The following WDR17 variants were observed in gnomAD, a reference collection of about 807,000 sequenced individuals.
WDR17 encodes WD repeat-containing protein 17.
Under a neutral mutation model 161.7 loss-of-function variants are expected in WDR17, and 143 were observed. The observed-to-expected ratio is 0.88, with a 90% confidence interval of 0.77 to 1.02. The LOEUF (loss-of-function observed/expected upper bound fraction) is 1.02. Among genes scored for constraint, WDR17 ranks in the 50% least tolerant of loss-of-function variants. WDR17 has a pLI of 0.00. For synonymous variants in WDR17, 517 were observed against 515.6 expected (o/e 1.00, Z -0.04); for missense variants, 1,469 against 1,520.9 (o/e 0.97, Z 0.57).
Position 176,135,242 on chromosome 4 carries a change from T to C in WDR17, c.1233T>C (p.Asn411=), listed in dbSNP as rs768916609. The change falls in exon 8 of 29, where the codon AAT becomes AAC. Residue 411 remains asparagine, a synonymous_variant. Coordinates refer to ENST00000508596, the MANE Select transcript of WDR17 (RefSeq NM_181265.4). ...TLTAVYTSPG[N]EGVIYSLSWA... ...CAGCAGTGTACACATCCCCGGGTAA[T>C]GAAGGTGTTATTTATTCCCTTTCTT... 1.1e-5 allele frequency: 17 copies of C among 1,612,056 alleles called. No individual in the cohort carries two copies. Among genetic ancestry groups the C allele is most frequent in the Non-Finnish European group, 1.4e-5 (17 of 1,178,502 alleles).
chr4:176,137,440 A>AT, intron 8 of WDR17, 80 bp from the exon 9 acceptor site: 1 of 1,187,738 alleles, frequency 8.4e-7, no homozygotes, highest in Non-Finnish European at 1.2e-6. Context: ...CAGTTCTTAC[A>AT]TTTTCACAAG....
chr4:176,092,899 G>A (rs1237889677), intron 1 of WDR17, among the ~76,000 whole-genome samples: 6 of 152,010 alleles, frequency 3.9e-5, no homozygotes, highest in African/African-American at 9.7e-5. Context: ...AAAATTAGCC[G>A]GGTGTGGTGG....
chr4:176,075,045 T>C (rs1733791031), intron 1 of WDR17, among the ~76,000 whole-genome samples: 1 of 151,944 alleles, frequency 6.6e-6, no homozygotes, highest in Non-Finnish European at 1.5e-5. Context: ...AATTTTTAAA[T>C]GCAGAAACAT....
chr4:176,131,530 G>T (rs1364805903), intron 6 of WDR17, 24 bp from the exon 7 acceptor site: 3 of 1,574,958 alleles, frequency 1.9e-6, no homozygotes, highest in Non-Finnish European at 2.6e-6. Context: ...CATTCCAATA[G>T]GATTTTTTTT....
Position 176,182,592 on chromosome 4 carries a change from A to G in WDR17, c.*3013A>G, listed in dbSNP as rs1752268104. 6.6e-6 allele frequency: 1 copy of G among 152,168 alleles called. No homozygotes were observed. The highest frequency in any genetic ancestry group is 2.4e-5 in the African/African-American group (1 of 41,534). 9.4% of individuals were successfully genotyped at this position (152,168 alleles called of 1,614,324 possible). On this transcript the variant is annotated 3_prime_UTR_variant, in exon 29 of 29. Coordinates refer to ENST00000508596, the MANE Select transcript of WDR17 (RefSeq NM_181265.4). The surrounding 1 kb of genome is among the most constrained non-coding windows in gnomAD (Gnocchi z 4.2). ...TTATTTGTAAAATTTAGTAGTTCAT[A>G]TTTAGTATATCAGTAATATAGAAGA...
At chr4:176,101,963 G>A (rs1038969086) in intron 1 of WDR17, among the ~76,000 whole-genome samples, 1 of 152,102 alleles carries the variant, frequency 6.6e-6, no homozygotes, top group Non-Finnish European at 1.5e-5. Flanking sequence ...ATGACTGTGG[G>A]TTTGGCTAGC....
intron 6 of WDR17, among the ~76,000 whole-genome samples, chr4:176,129,965 A>ATT (rs71597418): frequency 2.0e-5 from 3 of 151,652 alleles, no homozygotes; most frequent in South Asian, 2.1e-4. Flanking sequence ...CTTTTCTTTC[A>ATT]TTTTTTTTCT....
chr4:176,161,609 G>A (rs892670239), intron 20 of WDR17, among the ~76,000 whole-genome samples: 6 of 152,024 alleles, frequency 3.9e-5, no homozygotes, highest in Non-Finnish European at 7.4e-5. Flanking sequence ...AGTAGAAGAG[G>A]ATCATGAAAT....
At chr4:176,074,304 C>A (rs1201556665) in intron 1 of WDR17, among the ~76,000 whole-genome samples, 1 of 151,900 alleles carries the variant, frequency 6.6e-6, no homozygotes, top group Non-Finnish European at 1.5e-5. Context: ...GCTCTGTCAC[C>A]AGAACACCTT....
intron 6 of WDR17, among the ~76,000 whole-genome samples, chr4:176,129,546 G>T (rs1743025711): frequency 6.6e-6 from 1 of 152,084 alleles, no homozygotes; most frequent in Non-Finnish European, 1.5e-5. Context: ...ACTCTGCATG[G>T]TTGGTAGTGT....
chr4:176,126,074 A>G (rs2126738948), intron 5 of WDR17, among the ~76,000 whole-genome samples: 1 of 152,340 alleles, frequency 6.6e-6, no homozygotes, highest in South Asian at 2.1e-4. Context: ...ATAAGAGTAG[A>G]GCCTACATGA....
intron 4 of WDR17, among the ~76,000 whole-genome samples, 191 bp downstream of exon 4, chr4:176,120,288 TTATA>T (rs33940735): frequency 0.052 from 7,100 of 136,216 alleles, 223 homozygotes; most frequent in East Asian, 0.07. Context: ...ATTTGAAGTT[TTATA>T]TATATATATA....
Position 176,120,031 on chromosome 4 carries a change from C to A in WDR17, c.472C>A (p.His158Asn), listed in dbSNP as rs376358417. ...GTCTGATATCTGTATGTTCAGATGG[C>A]ATACACACCAAAAGGGGAAAGTTGT... The part of the protein sequence containing the change: ...FLSDICMFRW[H>N]THQKGKVVFG... Residue 158 changes from histidine to asparagine, a missense_variant, in exon 4 of 29, where the codon CAT (histidine) becomes AAT (asparagine). By Grantham distance (68) the His-to-Asn change is moderately conservative. Transcript: ENST00000508596. 6.2e-7 allele frequency: 1 copy of A among 1,613,796 alleles called. No homozygotes were observed. Among genetic ancestry groups the A allele is most frequent in the Non-Finnish European group, 8.5e-7 (1 of 1,179,974 alleles).
At chr4:176,089,587 G>A (rs1735854356) in intron 1 of WDR17, among the ~76,000 whole-genome samples, 1 of 151,904 alleles carries the variant, frequency 6.6e-6, no homozygotes, top group Non-Finnish European at 1.5e-5. Context: ...TATGAGTGCC[G>A]AGTGTTGTAT....
At chr4:176,173,545 C>G (rs1751043181) in intron 25 of WDR17, among the ~76,000 whole-genome samples, 176 bp downstream of exon 25, 2 of 151,992 alleles carry the variant, frequency 1.3e-5, no homozygotes, top group Admixed American at 1.3e-4. Context: ...GAGATGAGGT[C>G]TTGCTCTGTC....
intron 24 of WDR17, among the ~76,000 whole-genome samples, chr4:176,172,856 G>A (rs767854211): frequency 5.3e-5 from 8 of 152,070 alleles, no homozygotes; most frequent in Non-Finnish European, 1.0e-4. Flanking sequence ...CTCAGATCTC[G>A]TGTGGACTCA....
intron 1 of WDR17, among the ~76,000 whole-genome samples, chr4:176,069,173 A>C (rs1732905282): frequency 6.6e-6 from 1 of 152,088 alleles, no homozygotes; most frequent in Non-Finnish European, 1.5e-5. Context: ...TTTGTAAGAA[A>C]AAAAAAGAAC....
chr4:176,066,657 T>A (rs1732569041), intron 1 of WDR17, among the ~76,000 whole-genome samples: 1 of 152,116 alleles, frequency 6.6e-6, no homozygotes, highest in South Asian at 2.1e-4. Flanking sequence ...ACAAACAATT[T>A]AAGGAGACTT....
rs1746823224 is a variant in WDR17, at chr4:176,149,832, C to T, written c.1923C>T (p.Pro641=). The change falls in exon 14 of 29, where the codon CCC becomes CCT. Residue 641 remains proline (P), a synonymous_variant. Transcript: ENST00000508596. ...GTTTAACCTGCCATCCCAGTCGCCCCTTCACTATGGCCTCTTGCTCCCGTG... is the reference window on the plus strand; with the variant it reads ...GTTTAACCTGCCATCCCAGTCGCCCTTTCACTATGGCCTCTTGCTCCCGTG... The part of the protein sequence containing the change: ...VYGLTCHPSR[P]FTMASCSRDS... 1 of 1,613,712 alleles carries T rather than the reference C, an allele frequency of 6.2e-7. No individual in the cohort carries two copies. The highest frequency in any genetic ancestry group is 1.7e-5 in the Admixed American group (1 of 59,926).
Sources: gnomAD v4.1 joint callset for allele counts (sites outside exome capture counted in the v4.1 genomes callset) on GRCh38, gnomAD v4.1.1 for gene constraint, Gnocchi (gnomAD v3.1) non-coding constraint, MANE v1.5 for transcripts, NCBI Gene and HGNC (gene_info 2026-07-23, HGNC 2026-07-21) for gene names.